Variants in PPP2R2A observed in about 807,000 individuals in gnomAD.
The protein encoded by PPP2R2A is serine/threonine-protein phosphatase 2A 55 kDa regulatory subunit B alpha isoform.
A neutral mutation model predicts 53.2 loss-of-function variants in PPP2R2A; 9 were observed. The ratio of observed to expected loss-of-function variants is 0.17; its 90% confidence interval spans 0.10 to 0.30. The LOEUF (loss-of-function observed/expected upper bound fraction) is 0.30. Among genes scored for constraint, PPP2R2A ranks in the 10% least tolerant of loss-of-function variants. The probability of loss-of-function intolerance (pLI) is 1.00; values close to 1 mark genes in which losing one functional copy is unlikely to be tolerated. For synonymous variants in PPP2R2A, 169 were observed against 174.2 expected, an observed-to-expected ratio of 0.97 and a Z score of 0.23; for missense variants, 235 against 534.6, an observed-to-expected ratio of 0.44 and a Z score of 5.53.
intron 3 of PPP2R2A, among the ~76,000 whole-genome samples, chr8:26,351,883 G>A (rs1191883383): frequency 1.3e-5 from 2 of 148,904 alleles, no homozygotes; most frequent in Non-Finnish European, 3.0e-5. Context: ...GTGTGATTTT[G>A]GTTTTGTGTC....
At position 26,370,051 on chromosome 8, in the gene PPP2R2A, T is replaced by A; in HGVS notation, c.1065-83T>A. ...TAAATCTGCTTTTGAAGTAGCTTCC[T>A]ATGGTTTAATTGCCGAATCATTTTA... On this transcript the variant is annotated intron_variant, in intron 9 of 9. Transcript: ENST00000380737. This position sits in a 1 kb window ranked among gnomAD's most constrained non-coding sequence, Gnocchi z 6.1. The A allele has an allele frequency of 7.0e-7, 1 of 1,432,114 alleles. No individual in the cohort carries two copies. The highest frequency in any genetic ancestry group is 2.3e-5 in the East Asian group (1 of 43,512). The allele number at this position is 1,432,114 out of a possible 1,614,324, so 88.7% of individuals were successfully genotyped here.
intron 2 of PPP2R2A, among the ~76,000 whole-genome samples, chr8:26,336,222 G>A (rs906961078): frequency 7.9e-5 from 12 of 151,970 alleles, no homozygotes; most frequent in Admixed American, 2.0e-4. Context: ...CCAAGAGTTC[G>A]AAACCAGCCT....
chr8:26,363,544 A>G (rs1805225009), intron 7 of PPP2R2A, 177 bp from the exon 8 acceptor site: 3 of 546,604 alleles, frequency 5.5e-6, no homozygotes, highest in South Asian at 4.0e-5. Context: ...TCAATATTCA[A>G]TTAAACTAAG....
chr8:26,312,884 A>G (rs1000781208), intron 2 of PPP2R2A, among the ~76,000 whole-genome samples: 1 of 152,150 alleles, frequency 6.6e-6, no homozygotes, highest in African/African-American at 2.4e-5. Context: ...TTATCCATGT[A>G]GCTCATGTAT....
intron 2 of PPP2R2A, among the ~76,000 whole-genome samples, chr8:26,310,100 A>G (rs201053315): frequency 1.4e-5 from 2 of 147,562 alleles, no homozygotes; most frequent in South Asian, 2.2e-4. Context: ...GGCCAACATG[A>G]TGAAATCCCG....
Position 26,371,407 on chromosome 8 carries a change from A to G in PPP2R2A, c.*994A>G, listed in dbSNP as rs1171907687. The G allele has an allele frequency of 7.4e-5, 10 of 135,120 alleles. No homozygotes were observed. Among genetic ancestry groups the G allele is most frequent in the Non-Finnish European group, 9.3e-5 (6 of 64,412 alleles). 8.4% of individuals were successfully genotyped at this position (135,120 alleles called of 1,614,324 possible). A position where few individuals can be genotyped will look rare whatever the true frequency, so the allele number is the denominator to read the frequency against. On this transcript the variant is annotated 3_prime_UTR_variant, in exon 10 of 10. Coordinates refer to ENST00000380737, the MANE Select transcript of PPP2R2A (RefSeq NM_002717.4). ...AGGGTATTGGATACATTGTGTCTCT[A>G]TTTAACTCATTATGTGTTAATGAAA...
intron 1 of PPP2R2A, chr8:26,293,005 G>A (rs913443009): frequency 1.4e-5 from 6 of 422,750 alleles, no homozygotes; most frequent in Admixed American, 1.3e-4. Flanking sequence ...TGTTTTGCAC[G>A]AGATGACATT....
intron 3 of PPP2R2A, among the ~76,000 whole-genome samples, chr8:26,351,480 T>C (rs910268211): frequency 1.3e-5 from 2 of 152,234 alleles, no homozygotes; most frequent in Non-Finnish European, 2.9e-5. Context: ...ACATGACTAG[T>C]GGCAACCATA....
At chr8:26,305,492 C>T (rs1801976151) in intron 2 of PPP2R2A, among the ~76,000 whole-genome samples, 1 of 151,998 alleles carries the variant, frequency 6.6e-6, no homozygotes, top group African/African-American at 2.4e-5. Flanking sequence ...TTTAAAACTC[C>T]TGTTTGATTG....
At chr8:26,366,023 A>G (rs1408256195) in intron 8 of PPP2R2A, 2 of 272,884 alleles carry the variant, frequency 7.3e-6, no homozygotes, top group Non-Finnish European at 1.4e-5. Context: ...TAACTGTGCC[A>G]TTTTCAAGTG....
intron 4 of PPP2R2A, among the ~76,000 whole-genome samples, chr8:26,359,875 A>T (rs1265647149): frequency 6.6e-6 from 1 of 152,202 alleles, no homozygotes; most frequent in Non-Finnish European, 1.5e-5. Context: ...CCACACATGC[A>T]TATCAAGTTT....
intron 2 of PPP2R2A, chr8:26,298,674 G>T (rs868191742): frequency 2.0e-5 from 3 of 152,248 alleles, no homozygotes; most frequent in Middle Eastern, 6.8e-3. Context: ...AATCAATCTG[G>T]AACATTACAG....
At chr8:26,319,167 A>G (rs1470150568) in intron 2 of PPP2R2A, among the ~76,000 whole-genome samples, 1 of 152,164 alleles carries the variant, frequency 6.6e-6, no homozygotes, top group Non-Finnish European at 1.5e-5. Flanking sequence ...TTAAGGCTGC[A>G]TAATCTTATG....
intron 2 of PPP2R2A, among the ~76,000 whole-genome samples, chr8:26,303,872 C>A (rs1035401834): frequency 6.6e-6 from 1 of 152,208 alleles, no homozygotes; most frequent in African/African-American, 2.4e-5. Context: ...CTTGGCAAGT[C>A]GTTGAATACT....
At chr8:26,367,269 T>C (rs1166666915) in intron 9 of PPP2R2A, among the ~76,000 whole-genome samples, 1 of 152,142 alleles carries the variant, frequency 6.6e-6, no homozygotes, top group East Asian at 1.9e-4. Context: ...TGAGTGCTAC[T>C]ACTAAACCTG....
Position 26,291,803 on chromosome 8 carries a change from A to T in PPP2R2A, c.-17A>T. The T allele has an allele frequency of 6.2e-7, 1 of 1,603,702 alleles. No homozygotes were observed. Among genetic ancestry groups the T allele is most frequent in the South Asian group, 1.1e-5 (1 of 89,806 alleles). ...AGACCCCGAGGAACCCAGCAGGGTCACCATTTGCAGCGCAACATGGCAGGT... is the reference window on the plus strand; with the variant it reads ...AGACCCCGAGGAACCCAGCAGGGTCTCCATTTGCAGCGCAACATGGCAGGT... On this transcript the variant is annotated 5_prime_UTR_variant, in exon 1 of 10. Coordinates refer to ENST00000380737, the MANE Select transcript of PPP2R2A (RefSeq NM_002717.4).
At position 26,370,679 on chromosome 8, in the gene PPP2R2A, A is replaced by T. The variant is rs1057090988; in HGVS notation, c.*266A>T. ...CTTGCACCATCTTGCCTAATGGACT[A>T]GATTGGACTGTATCAACATTGATTT... On this transcript the variant is annotated 3_prime_UTR_variant, in exon 10 of 10. Transcript: ENST00000380737. This position sits in a 1 kb window ranked among gnomAD's most constrained non-coding sequence, Gnocchi z 6.1. The T allele has an allele frequency of 2.1e-6, 1 of 482,332 alleles. No homozygotes were observed. Among genetic ancestry groups the T allele is most frequent in the East Asian group, 3.7e-5 (1 of 26,930 alleles). The allele number at this position is 482,332 out of a possible 1,614,324, so 29.9% of individuals were successfully genotyped here. A position where few individuals can be genotyped will look rare whatever the true frequency, so the allele number is the denominator to read the frequency against.
chr8:26,331,890 A>G (rs1052262739), intron 2 of PPP2R2A, among the ~76,000 whole-genome samples: 1 of 152,228 alleles, frequency 6.6e-6, no homozygotes, highest in African/African-American at 2.4e-5. Context: ...TGCTACAGCA[A>G]TGTTTAGAGT....
chr8:26,348,864 G>T (rs1194432073), intron 3 of PPP2R2A, among the ~76,000 whole-genome samples: 1 of 152,200 alleles, frequency 6.6e-6, no homozygotes, highest in Non-Finnish European at 1.5e-5. Flanking sequence ...GTATGTATGT[G>T]TGGTTTTCTC....
Sources: allele counts gnomAD v4.1 joint callset (sites outside exome capture counted in the v4.1 genomes callset), GRCh38; gene constraint gnomAD v4.1.1; non-coding constraint Gnocchi (gnomAD v3.1); transcripts MANE v1.5; gene names NCBI Gene and HGNC (gene_info 2026-07-23, HGNC 2026-07-21).